Variants in AK5 observed in about 807,000 individuals in gnomAD.
AK5 encodes the protein adenylate kinase isoenzyme 5.
In AK5, 27 loss-of-function variants were observed where a neutral mutation model predicts 69.5. The ratio of observed to expected loss-of-function variants is 0.39; its 90% confidence interval spans 0.29 to 0.54. The LOEUF (loss-of-function observed/expected upper bound fraction) is 0.54, where lower values mean the gene tolerates loss of function less well. Ranked by LOEUF, AK5 falls within the 20% of genes least tolerant of loss-of-function variation. The pLI, the probability that AK5 is intolerant of heterozygous loss-of-function variation, is 0.71. For missense variants in AK5, 531 were observed against 700.4 expected (o/e 0.76, Z 2.73); for synonymous variants, 260 against 244.4 (o/e 1.06, Z -0.60).
intron 13 of AK5, among the ~76,000 whole-genome samples, chr1:77,551,275 C>T (rs1198759701): frequency 6.6e-6 from 1 of 152,092 alleles, no homozygotes; most frequent in Non-Finnish European, 1.5e-5. Flanking sequence ...GAAATTGCCT[C>T]ACTGACTTTA....
chr1:77,509,855 G>A (rs1198437595), intron 10 of AK5, among the ~76,000 whole-genome samples: 1 of 152,180 alleles, frequency 6.6e-6, no homozygotes, highest in Non-Finnish European at 1.5e-5. Flanking sequence ...ATCACCAACA[G>A]TAGCTGCCTC....
At chr1:77,460,401 A>G (rs193096173) in intron 8 of AK5, among the ~76,000 whole-genome samples, 98 of 152,370 alleles carry the variant, frequency 6.4e-4, no homozygotes, top group African/African-American at 2.3e-3. Flanking sequence ...CAGATCTGCT[A>G]TTGAATCCAA....
chr1:77,391,316 C>T (rs774176266), intron 6 of AK5, among the ~76,000 whole-genome samples: 8 of 150,952 alleles, frequency 5.3e-5, no homozygotes, highest in Non-Finnish European at 8.8e-5. Context: ...CCAACACTCA[C>T]AGCAGCTGAG....
At chr1:77,396,161 A>G (rs1439342109) in intron 6 of AK5, among the ~76,000 whole-genome samples, 2 of 152,238 alleles carry the variant, frequency 1.3e-5, no homozygotes, top group Non-Finnish European at 2.9e-5. Flanking sequence ...TAAGAAGAGT[A>G]ACTACCCATA....
At chr1:77,283,023 G>C in intron 1 of AK5, 10 of 985,630 alleles carry the variant, frequency 1.0e-5, no homozygotes, top group Non-Finnish European at 1.2e-5. Flanking sequence ...GCCAGTGCTC[G>C]ACAACCCACC....
At chr1:77,310,735 A>C (rs1028257818) in intron 5 of AK5, among the ~76,000 whole-genome samples, 23 of 152,060 alleles carry the variant, frequency 1.5e-4, no homozygotes, top group African/African-American at 5.3e-4. Context: ...TATAAATTTT[A>C]GTATCAGTTT....
At chr1:77,419,301 A>G (rs1650646326) in intron 8 of AK5, among the ~76,000 whole-genome samples, 1 of 152,186 alleles carries the variant, frequency 6.6e-6, no homozygotes, top group Non-Finnish European at 1.5e-5. Context: ...CTAATGCAAA[A>G]CAACCACTTA....
intron 11 of AK5, among the ~76,000 whole-genome samples, chr1:77,520,826 T>C (rs1199467896): frequency 3.3e-5 from 5 of 152,242 alleles, no homozygotes; most frequent in African/African-American, 4.8e-5. Context: ...GAGGACTTCA[T>C]TCACGATTAT....
intron 8 of AK5, among the ~76,000 whole-genome samples, chr1:77,426,007 A>C (rs1237597203): frequency 1.3e-5 from 2 of 152,232 alleles, no homozygotes; most frequent in Non-Finnish European, 2.9e-5. Flanking sequence ...GGAGAGAAAA[A>C]GACTCATAAT....
chr1:77,317,470 T>A (rs1345238104), intron 5 of AK5, among the ~76,000 whole-genome samples: 1 of 152,154 alleles, frequency 6.6e-6, no homozygotes, highest in Non-Finnish European at 1.5e-5. Context: ...TGTTGACATG[T>A]TTTAAACCCC....
chr1:77,354,864 G>A (rs1003405135), intron 6 of AK5, among the ~76,000 whole-genome samples: 1 of 152,096 alleles, frequency 6.6e-6, no homozygotes, highest in Admixed American at 6.5e-5. Context: ...AGAAGTAATA[G>A]ATTTTTTTGT....
At chr1:77,304,867 C>T (rs574020131) in intron 5 of AK5, among the ~76,000 whole-genome samples, 1 of 152,326 alleles carries the variant, frequency 6.6e-6, no homozygotes, top group South Asian at 2.1e-4. Flanking sequence ...AGTGGGATTG[C>T]AGAATCATAT....
At chr1:77,299,698 G>A (rs1251937144) in intron 5 of AK5, among the ~76,000 whole-genome samples, 2 of 152,144 alleles carry the variant, frequency 1.3e-5, no homozygotes, top group Non-Finnish European at 2.9e-5. Context: ...GAAAGCGGGT[G>A]CTATGGCAGC....
intron 12 of AK5, among the ~76,000 whole-genome samples, chr1:77,527,053 C>T (rs80164417): frequency 0.013 from 2,020 of 152,228 alleles, 48 homozygotes; most frequent in African/African-American, 0.046. Context: ...GCATGTCACT[C>T]GTGTACTCTG....
intron 6 of AK5, among the ~76,000 whole-genome samples, chr1:77,360,284 A>T (rs561374821): frequency 5.9e-5 from 9 of 152,210 alleles, no homozygotes; most frequent in Non-Finnish European, 1.2e-4. Flanking sequence ...AGAAAATGAG[A>T]ATTGGGATAT....
intron 12 of AK5, among the ~76,000 whole-genome samples, chr1:77,524,351 C>A (rs1284734199): frequency 6.6e-6 from 1 of 152,136 alleles, no homozygotes; most frequent in Non-Finnish European, 1.5e-5. Flanking sequence ...TTTTGAGGAG[C>A]CACCATACTA....
At chr1:77,420,640 AT>A (rs1388770687) in intron 8 of AK5, among the ~76,000 whole-genome samples, 2 of 152,248 alleles carry the variant, frequency 1.3e-5, no homozygotes, top group Non-Finnish European at 2.9e-5. Flanking sequence ...TCCCAAGACC[AT>A]AAAGCTAGCA....
At chr1:77,319,271 C>A (rs116124862) in intron 5 of AK5, among the ~76,000 whole-genome samples, 3 of 152,078 alleles carry the variant, frequency 2.0e-5, no homozygotes, top group African/African-American at 7.2e-5. Flanking sequence ...TGATGCTTAC[C>A]GTTGGTCAAA....
At chr1:77,284,363 T>C (rs79226392) in intron 1 of AK5, among the ~76,000 whole-genome samples, 2,809 of 152,320 alleles carry the variant, frequency 0.018, 87 homozygotes, top group African/African-American at 0.063. Context: ...AACAATTAGC[T>C]GTCTACTAAA....
Sources: allele counts gnomAD v4.1 joint callset (sites outside exome capture counted in the v4.1 genomes callset), GRCh38; gene constraint gnomAD v4.1.1; transcripts MANE v1.5; gene names NCBI Gene and HGNC (gene_info 2026-07-23, HGNC 2026-07-21).